Variants in DRC1 observed in about 807,000 individuals in gnomAD.
DRC1 encodes dynein regulatory complex protein 1.
DRC1 carries 74 observed loss-of-function variants against 98.7 expected under a neutral mutation model. That is an observed-to-expected ratio of 0.75 (90% CI 0.62 to 0.91). The LOEUF is 0.91. Ranked by LOEUF, DRC1 falls within the 40% of genes least tolerant of loss-of-function variation. The probability of loss-of-function intolerance (pLI) is 0.00; values close to 1 mark genes in which losing one functional copy is unlikely to be tolerated. For synonymous variants in DRC1, 336 were observed against 334.1 expected (o/e 1.01, Z -0.06); for missense variants, 875 against 886.0 (o/e 0.99, Z 0.16).
At chr2:26,445,069 C>T in intron 10 of DRC1, 121 bp downstream of exon 10, 2 of 1,041,928 alleles carry the variant, frequency 1.9e-6, no homozygotes, top group Non-Finnish European at 2.7e-6. Flanking sequence ...ATTGGTATCG[C>T]TTTTAAGTCT....
At chr2:26,450,488 C>T (rs995703940) in intron 12 of DRC1, 104 bp from the exon 13 acceptor site, 72 of 1,037,332 alleles carry the variant, frequency 6.9e-5, no homozygotes, top group Non-Finnish European at 1.0e-4. Flanking sequence ...GAATGCCCTC[C>T]ACAAGCCAAG....
intron 2 of DRC1, among the ~76,000 whole-genome samples, chr2:26,420,089 C>T (rs553777078): frequency 6.6e-6 from 1 of 152,296 alleles, no homozygotes; most frequent in South Asian, 2.1e-4. Flanking sequence ...TCTGCCATTG[C>T]TTGAGTTGCC....
At chr2:26,414,560 T>A in intron 2 of DRC1, 129 bp downstream of exon 2, 1 of 801,626 alleles carries the variant, frequency 1.2e-6, no homozygotes, top group South Asian at 2.0e-5. Flanking sequence ...GAATAGAATC[T>A]TTCCCATTTG....
Position 26,453,690 on chromosome 2 carries a change from G to A in DRC1, c.1919+141G>A, listed in dbSNP as rs1312789588. On this transcript the variant is annotated intron_variant, in intron 14 of 16. Coordinates refer to ENST00000288710, the MANE Select transcript of DRC1 (RefSeq NM_145038.5). ...TAAGGACAGGGCTATCTGAAGGCGG[G>A]CTGGGGCAACCAATCGCTGGACAGT... 6.1e-6 allele frequency: 5 copies of A among 825,264 alleles called. No individual in the cohort carries two copies. The East Asian group carries it at 1.3e-4, about 22-fold the overall frequency. 51.1% of individuals were successfully genotyped at this position (825,264 alleles called of 1,614,324 possible). A position where few individuals can be genotyped will look rare whatever the true frequency, so the allele number is the denominator to read the frequency against.
chr2:26,448,835 C>G, intron 11 of DRC1, 32 bp downstream of exon 11: 1 of 1,605,146 alleles, frequency 6.2e-7, no homozygotes, highest in Non-Finnish European at 8.5e-7. Context: ...AGCAGAGGGA[C>G]TCACGGGGGT....
intron 7 of DRC1, among the ~76,000 whole-genome samples, chr2:26,435,224 G>T (rs1013218336): frequency 6.6e-6 from 1 of 152,302 alleles, no homozygotes; most frequent in East Asian, 1.9e-4. Flanking sequence ...AGGAGGGAAG[G>T]TGTTGTCAAC....
intron 5 of DRC1, 71 bp from the exon 6 acceptor site, chr2:26,430,715 A>G: frequency 1.3e-6 from 2 of 1,512,968 alleles, no homozygotes; most frequent in East Asian, 2.3e-5. Context: ...AGTTACCTGA[A>G]AGTTCTTTGA....
Position 26,402,126 on chromosome 2 carries a change from G to T in DRC1, c.137G>T (p.Arg46Leu), listed in dbSNP as rs745457802. 4.3e-6 allele frequency: 7 copies of T among 1,609,622 alleles called. No homozygotes were observed. The highest frequency in any genetic ancestry group is 5.9e-6 in the Non-Finnish European group (7 of 1,178,664). Reference protein sequence around the residue: ...IQARRLRIAARLEARRREALG... With the variant: ...IQARRLRIAALLEARRREALG... The stretch of plus-strand genomic sequence containing the variant: ...GCCCGGCGCCTCCGCATCGCTGCGC[G>T]CTTAGAAGCCCGGAGGCGGTGAGCG... The change falls in exon 1 of 17, where the codon CGC becomes CTC. Residue 46 changes from arginine (R) to leucine (L), a missense_variant. Arg to Leu is a moderately radical substitution (Grantham distance 102). Coordinates refer to ENST00000288710, the MANE Select transcript of DRC1 (RefSeq NM_145038.5).
chr2:26,420,415 CACTGTCATTACCTG>C, intron 2 of DRC1, among the ~76,000 whole-genome samples: 1 of 152,068 alleles, frequency 6.6e-6, no homozygotes, highest in Non-Finnish European at 1.5e-5. Context: ...TTATCTGCCT[CACTGTCATTACCTG>C]CCTCACCTCC....
chr2:26,424,574 G>A, intron 4 of DRC1, 120 bp downstream of exon 4: 1 of 1,026,892 alleles, frequency 9.7e-7, no homozygotes, highest in South Asian at 1.8e-5. Flanking sequence ...TATTTAGAAT[G>A]CTGTACAAGT....
At chr2:26,433,875 G>C (rs950988086) in intron 7 of DRC1, among the ~76,000 whole-genome samples, 2 of 152,022 alleles carry the variant, frequency 1.3e-5, no homozygotes, top group Non-Finnish European at 2.9e-5. Flanking sequence ...GTTCTTTCCT[G>C]TGTCAGATGG....
In DRC1 at chr2:26,455,166, A is replaced by G. The variant is rs1347088566; in HGVS notation, c.2099A>G (p.Glu700Gly). 1.9e-6 allele frequency: 3 copies of G among 1,613,950 alleles called. No individual in the cohort carries two copies. The highest frequency in any genetic ancestry group is 1.3e-5 in the African/African-American group (1 of 74,888). Residue 700 changes from glutamate (E) to glycine (G), a missense_variant, in exon 16 of 17, where the codon GAA (glutamate) becomes GGA (glycine). Coordinates refer to ENST00000288710, the MANE Select transcript of DRC1 (RefSeq NM_145038.5). ...VLTQRAKLLL[E>G]NSSLEQQNTE... is the part of the protein sequence containing the mutation. Reference sequence around the variant, plus strand: ...ACCCAGAGGGCCAAGCTGCTGCTGGAAAACAGTTCTCTGGAGCAGCAGAAC... The same window carrying G: ...ACCCAGAGGGCCAAGCTGCTGCTGGGAAACAGTTCTCTGGAGCAGCAGAAC...
At position 26,406,891 on chromosome 2, in the gene DRC1, C is replaced by T. The variant is rs527871934; in HGVS notation, c.155+4747C>T. Among the ~76,000 whole-genome samples the T allele has an allele frequency of 4.1e-5, 6 of 145,416 alleles. No individual in the cohort carries two copies. In the South Asian group the frequency reaches 1.3e-3, roughly 32 times the overall value. Reference sequence around the variant, plus strand: ...GGAATGCAGTGGTGTGACCTTGGCTCACTGCAACTTCCACCAGCTAGACTC... The same window carrying T: ...GGAATGCAGTGGTGTGACCTTGGCTTACTGCAACTTCCACCAGCTAGACTC... On this transcript the variant is annotated intron_variant, in intron 1 of 16. Coordinates refer to ENST00000288710, the MANE Select transcript of DRC1 (RefSeq NM_145038.5).
At chr2:26,415,669 C>T (rs1183021280) in intron 2 of DRC1, among the ~76,000 whole-genome samples, 2 of 152,134 alleles carry the variant, frequency 1.3e-5, no homozygotes, top group Non-Finnish European at 1.5e-5. Flanking sequence ...CGGTGGCTCA[C>T]GTCTATGATC....
At chr2:26,419,339 T>C (rs975523946) in intron 2 of DRC1, among the ~76,000 whole-genome samples, 2 of 152,184 alleles carry the variant, frequency 1.3e-5, no homozygotes, top group East Asian at 3.8e-4. Context: ...GATTTTTAAT[T>C]TTACTTTGAG....
At chr2:26,449,931 G>A (rs1350886266) in intron 11 of DRC1, 65 bp from the exon 12 acceptor site, 2 of 1,461,848 alleles carry the variant, frequency 1.4e-6, no homozygotes, top group East Asian at 2.3e-5. Flanking sequence ...GGGGGCAGCT[G>A]CAGACCCTGG....
At chr2:26,431,094 G>A (rs1558444890) in intron 6 of DRC1, among the ~76,000 whole-genome samples, 1 of 151,104 alleles carries the variant, frequency 6.6e-6, no homozygotes, top group Admixed American at 6.6e-5. Context: ...CCGAATAGCT[G>A]GGATTACAGG....
chr2:26,408,836 C>T (rs180695154), intron 1 of DRC1, among the ~76,000 whole-genome samples: 254 of 152,054 alleles, frequency 1.7e-3, no homozygotes, highest in Non-Finnish European at 2.9e-3. Flanking sequence ...ACAAAGCAGC[C>T]CGATTAAATC....
intron 6 of DRC1, 115 bp from the exon 7 acceptor site, chr2:26,431,769 G>A: frequency 2.0e-6 from 3 of 1,509,558 alleles, no homozygotes; most frequent in Non-Finnish European, 2.7e-6. Flanking sequence ...CAGACTCCCT[G>A]TGGAGCCATG....
Sources: allele counts gnomAD v4.1 joint callset (sites outside exome capture counted in the v4.1 genomes callset), GRCh38; gene constraint gnomAD v4.1.1; transcripts MANE v1.5; gene names NCBI Gene and HGNC (gene_info 2026-07-23, HGNC 2026-07-21).